PLOD3: variants seen among roughly 807,000 people sequenced by gnomAD.
PLOD3 encodes the protein procollagen-lysine,2-oxoglutarate 5-dioxygenase 3.
In PLOD3, 73 loss-of-function variants were observed where a neutral mutation model predicts 96.9. That is an observed-to-expected ratio of 0.75 (90% CI 0.62 to 0.92). The LOEUF (loss-of-function observed/expected upper bound fraction) is 0.92, where lower values mean the gene tolerates loss of function less well. Among genes scored for constraint, PLOD3 ranks in the 40% least tolerant of loss-of-function variants. The probability of loss-of-function intolerance (pLI) is 0.00; values close to 1 mark genes in which losing one functional copy is unlikely to be tolerated. For missense variants in PLOD3, 1,004 were observed against 1,004.3 expected (o/e 1.00, Z 0.00); for synonymous variants, 454 against 413.7 (o/e 1.10, Z -1.18).
At chr7:101,211,266 A>C in intron 12 of PLOD3, 1 of 286,968 alleles carries the variant, frequency 3.5e-6, no homozygotes, top group South Asian at 5.2e-5. Flanking sequence ...TGCAGCCTCA[A>C]CCTCCCAAGT....
At chr7:101,212,760 C>T (rs1326500914) in intron 8 of PLOD3, 82 bp downstream of exon 8, 2 of 1,572,842 alleles carry the variant, frequency 1.3e-6, no homozygotes, top group Admixed American at 3.4e-5. Context: ...GCGATGCCCC[C>T]ACCGCCCCCC....
At chr7:101,210,816 C>G (rs1186753982) in intron 12 of PLOD3, 143 bp from the exon 13 acceptor site, 1 of 784,410 alleles carries the variant, frequency 1.3e-6, no homozygotes, top group African/African-American at 1.7e-5. Flanking sequence ...CACTGCTGGT[C>G]CCAACCACCC....
chr7:101,212,551 G>T lies in PLOD3; in HGVS notation c.984C>A (p.Val328=). 6.2e-7 allele frequency: 1 copy of T among 1,613,806 alleles called. No homozygotes were observed. The highest frequency in any genetic ancestry group is 8.5e-7 in the Non-Finnish European group (1 of 1,179,884). The change falls in exon 9 of 19, where the codon GTC becomes GTA. Residue 328 remains valine, a synonymous_variant. Coordinates refer to ENST00000223127, the MANE Select transcript of PLOD3 (RefSeq NM_001084.5). ...LLLLDYPPDR[V]TLFLHNNEVF... is the part of the protein sequence containing the mutation. ...TCACGTTGTTGTGCAGGAAAAGGGT[G>T]ACCCTGTCGGGGGGATAGTCCAGGA...
intron 6 of PLOD3, among the ~76,000 whole-genome samples, chr7:101,213,932 C>T (rs1394167754): frequency 6.6e-6 from 1 of 152,036 alleles, no homozygotes; most frequent in Non-Finnish European, 1.5e-5. Context: ...CTCCTGACCT[C>T]AGGTGATCCA....
rs546820539 is a variant in PLOD3 at position 101,210,507 on chromosome 7, G to A, written c.1500+25C>T. On this transcript the variant is annotated intron_variant, in intron 13 of 18. Coordinates refer to ENST00000223127, the MANE Select transcript of PLOD3 (RefSeq NM_001084.5). ...CCTGGAGTCTGGGGGACTGCCCCCA[G>A]GCCAGACCGTGCACCCGCGCTCACC... The A allele has an allele frequency of 5.0e-6, 8 of 1,614,150 alleles. No individual in the cohort carries two copies. The African/African-American group carries it at 9.3e-5, about 19-fold the overall frequency.
Position 101,217,288 on chromosome 7 carries a change from C to T in PLOD3, c.-14G>A. On this transcript the variant is annotated 5_prime_UTR_variant, in exon 1 of 19. Transcript: ENST00000223127. ...CGAGGAGGTCATGGTGGGGAGCGGGCCCAGACAGCACCCAGGATCCTGGGA... is the reference window on the plus strand; with the variant it reads ...CGAGGAGGTCATGGTGGGGAGCGGGTCCAGACAGCACCCAGGATCCTGGGA... The T allele has an allele frequency of 6.9e-7, 1 of 1,454,176 alleles. No homozygotes were observed. The highest frequency in any genetic ancestry group is 1.5e-5 in the African/African-American group (1 of 67,806). The allele number at this position is 1,454,176 out of a possible 1,614,324, so 90.1% of individuals were successfully genotyped here.
Position 101,217,388 on chromosome 7 carries a change from C to G in PLOD3, c.-114G>C, listed in dbSNP as rs1798296742. ...GGGCGCTCGGGCTGCTGTGCGGCCG[C>G]CGCGGGGAGCAGCTTGGCTGGGGCT... On this transcript the variant is annotated 5_prime_UTR_variant, in exon 1 of 19. Transcript: ENST00000223127. 8.3e-6 allele frequency: 9 copies of G among 1,084,948 alleles called. 1 individual carries two copies. The highest frequency in any genetic ancestry group is 1.1e-5 in the Non-Finnish European group (9 of 826,636). 67.2% of individuals were successfully genotyped at this position (1,084,948 alleles called of 1,614,324 possible).
At position 101,217,256 on chromosome 7, in the gene PLOD3, C is replaced by G; in HGVS notation, c.19G>C (p.Gly7Arg). 1 of 1,492,728 alleles carries G rather than the reference C, an allele frequency of 6.7e-7. No homozygotes were observed. The highest frequency in any genetic ancestry group is 8.9e-7 in the Non-Finnish European group (1 of 1,123,072). The allele number at this position is 1,492,728 out of a possible 1,614,324, so 92.5% of individuals were successfully genotyped here. The change falls in exon 1 of 19, where the codon GGA (glycine) becomes CGA (arginine). Residue 7 changes from glycine (G) to arginine (R), a missense_variant. Coordinates refer to ENST00000223127, the MANE Select transcript of PLOD3 (RefSeq NM_001084.5). ...GGCAGCAGCAGCAGGAACCGGGGTC[C>G]AGGCCCCGAGGAGGTCATGGTGGGG... The part of the protein sequence containing the change: MTSSGP[G>R]PRFLLLLPLL...
chr7:101,209,552 GT>G (rs11295764), intron 15 of PLOD3, among the ~76,000 whole-genome samples: 66,963 of 110,204 alleles, frequency 0.61, 19,329 homozygotes, highest in Middle Eastern at 0.64. Context: ...TAATTTTTGT[GT>G]TTTTTTTTTT....
In PLOD3 at chr7:101,212,582, A is replaced by G; in HGVS notation, c.953T>C (p.Leu318Pro). The change falls in exon 9 of 19, where the codon CTG becomes CCG. Residue 318 changes from leucine (L) to proline (P), a missense_variant. This residue lies in a region of PLOD3 where 690 missense variants were observed against 650.2 expected (regional missense o/e 1.06). Transcript: ENST00000223127. ...GTCGGGGGGATAGTCCAGGAGTAGC[A>G]GCCGCTGCAGGAAGCGGGGCAGAAA... Reference protein sequence around the residue: ...TPFLPRFLQRLLLLDYPPDRV... With the variant: ...TPFLPRFLQRPLLLDYPPDRV... 6.2e-7 allele frequency: 1 copy of G among 1,613,894 alleles called. No homozygotes were observed. The highest frequency in any genetic ancestry group is 8.5e-7 in the Non-Finnish European group (1 of 1,179,870).
intron 6 of PLOD3, among the ~76,000 whole-genome samples, chr7:101,214,828 C>T (rs1798242851): frequency 1.3e-5 from 2 of 152,066 alleles, no homozygotes. Flanking sequence ...CAGAGCGAAA[C>T]TCTGTCTCAA....
chr7:101,215,312 AATTG>A (rs749765189), intron 5 of PLOD3, among the ~76,000 whole-genome samples, 160 bp from the exon 6 acceptor site: 4 of 152,158 alleles, frequency 2.6e-5, no homozygotes, highest in Non-Finnish European at 5.9e-5. Context: ...CTCCCGGTTT[AATTG>A]ATTCTCTTGC....
chr7:101,212,023 C>T (rs1401007987), intron 10 of PLOD3, 73 bp from the exon 11 acceptor site: 3 of 1,129,704 alleles, frequency 2.7e-6, no homozygotes, highest in Non-Finnish European at 3.9e-6. Flanking sequence ...GCCCATGCCC[C>T]CAGGAGAAGA....
At chr7:101,212,065 A>G in intron 10 of PLOD3, 115 bp from the exon 11 acceptor site, 1 of 1,035,546 alleles carries the variant, frequency 9.7e-7, no homozygotes, top group East Asian at 2.5e-5. Flanking sequence ...TTCCTTCCCC[A>G]GGCTCTCTGC....
rs1384870192 is a variant in PLOD3, at chr7:101,216,275, G to A, written c.390C>T (p.Val130=). 6.2e-7 allele frequency: 1 copy of A among 1,613,590 alleles called. No homozygotes were observed. Among genetic ancestry groups the A allele is most frequent in the African/African-American group, 1.3e-5 (1 of 75,038 alleles). Reference sequence around the variant, plus strand: ...AGAAGAGCAGGCGGCTGCCACTCTGGACGAACTTCTTCAGCAGCTCTGTGG... The same window carrying A: ...AGAAGAGCAGGCGGCTGCCACTCTGAACGAACTTCTTCAGCAGCTCTGTGG... ...GSPTELLKKF[V]QSGSRLLFSA... The change falls in exon 4 of 19, where the codon GTC becomes GTT. Residue 130 remains valine, a synonymous_variant. Coordinates refer to ENST00000223127, the MANE Select transcript of PLOD3 (RefSeq NM_001084.5).
chr7:101,217,352 C>T lies in PLOD3; in HGVS notation c.-78G>A. ...CCTGGATCCCAGCTCCGGAGGGGAG[C>T]TCTGGAAAGGGGGCGCTCGGGCTGC... is the stretch of plus-strand genomic sequence containing the variant. On this transcript the variant is annotated 5_prime_UTR_variant, in exon 1 of 19. Coordinates refer to ENST00000223127, the MANE Select transcript of PLOD3 (RefSeq NM_001084.5). 3 of 1,327,142 alleles carry T rather than the reference C, an allele frequency of 2.3e-6. No individual in the cohort carries two copies. Among genetic ancestry groups the T allele is most frequent in the South Asian group, 2.1e-5 (1 of 48,232 alleles). 82.2% of individuals were successfully genotyped at this position (1,327,142 alleles called of 1,614,324 possible).
intron 10 of PLOD3, 92 bp from the exon 11 acceptor site, chr7:101,212,042 G>A (rs1798191943): frequency 6.7e-6 from 7 of 1,043,344 alleles, no homozygotes; most frequent in Admixed American, 3.9e-5. Flanking sequence ...GAGGAGGGAG[G>A]CAGTGTCTAT....
At chr7:101,212,984 G>A in intron 7 of PLOD3, 41 bp from the exon 8 acceptor site, 1 of 1,486,568 alleles carries the variant, frequency 6.7e-7, no homozygotes. Flanking sequence ...GAGGCCTCCA[G>A]GGGTGGAGGT....
intron 10 of PLOD3, 124 bp downstream of exon 10, chr7:101,212,129 C>T (rs1427196321): frequency 9.8e-6 from 13 of 1,320,922 alleles, no homozygotes; most frequent in Non-Finnish European, 1.3e-5. Flanking sequence ...TGCAAGGATG[C>T]GAATGGGGAG....
Sources: gnomAD v4.1 joint callset for allele counts (sites outside exome capture counted in the v4.1 genomes callset) on GRCh38, gnomAD v4.1.1 for gene constraint, gnomAD v4.1.1 regional missense constraint, MANE v1.5 for transcripts, NCBI Gene and HGNC (gene_info 2026-07-23, HGNC 2026-07-21) for gene names.